The following DDX60 variants were observed in gnomAD, a reference collection of about 807,000 sequenced individuals.
The protein encoded by DDX60 is probable ATP-dependent RNA helicase DDX60.
DDX60 carries 165 observed loss-of-function variants against 212.8 expected under a neutral mutation model. The observed-to-expected ratio is 0.78, with a 90% CI of 0.68 to 0.88. The LOEUF (loss-of-function observed/expected upper bound fraction) is 0.88. Among genes scored for constraint, DDX60 ranks in the 40% least tolerant of loss-of-function variants. The pLI, the probability that DDX60 is intolerant of heterozygous loss-of-function variation, is 0.00. For missense variants in DDX60, 1,905 were observed against 2,003.9 expected (o/e 0.95, Z 0.94); for synonymous variants, 703 against 685.3 (o/e 1.03, Z -0.40).
intron 34 of DDX60, 64 bp from the exon 35 acceptor site, chr4:168,224,449 AC>A (rs1733178166): frequency 6.6e-7 from 1 of 1,517,036 alleles, no homozygotes; most frequent in African/African-American, 1.4e-5. Context: ...AACCTCAGAT[AC>A]TTTCTCTAGA....
At chr4:168,286,491 G>T in intron 10 of DDX60, among the ~76,000 whole-genome samples, 1 of 149,230 alleles carries the variant, frequency 6.7e-6, no homozygotes. Context: ...ATAGACAAAT[G>T]AATGACTTTT....
At chr4:168,244,868 T>C (rs1733969985) in intron 30 of DDX60, among the ~76,000 whole-genome samples, 2 of 151,548 alleles carry the variant, frequency 1.3e-5, no homozygotes, top group African/African-American at 4.8e-5. Context: ...GTAAGTTTTA[T>C]GTTTTCTCAT....
At chr4:168,242,956 G>T (rs1438960652) in intron 30 of DDX60, among the ~76,000 whole-genome samples, 1 of 152,134 alleles carries the variant, frequency 6.6e-6, no homozygotes, top group East Asian at 1.9e-4. Flanking sequence ...ATGGGGGCGG[G>T]TCTTTCCCAT....
chr4:168,249,865 C>G (rs1252212897), intron 28 of DDX60, among the ~76,000 whole-genome samples: 2 of 151,998 alleles, frequency 1.3e-5, no homozygotes, highest in Non-Finnish European at 2.9e-5. Context: ...TTTTCCTCAA[C>G]ATTTAGTTTA....
chr4:168,292,049 C>CTTT lies in DDX60; in HGVS notation c.883-146_883-144dup, dbSNP rs772095573. ...CCTTTCTTTCTTTCTTTCTTTCTTT[C>CTTT]TTTTTTTTTTTTTTTTTGAGACAGA... is the stretch of plus-strand genomic sequence containing the variant. On this transcript the variant is annotated intron_variant, in intron 7 of 37. Coordinates refer to ENST00000393743, the MANE Select transcript of DDX60 (RefSeq NM_017631.6). The CTTT allele has an allele frequency of 1.5e-3, 459 of 303,514 alleles. 1 individual carries two copies. Among genetic ancestry groups the CTTT allele is most frequent in the African/African-American group, 0.01 (367 of 34,990 alleles). 18.8% of individuals were successfully genotyped at this position (303,514 alleles called of 1,614,324 possible).
At chr4:168,245,043 G>T (rs1733975858) in intron 30 of DDX60, among the ~76,000 whole-genome samples, 1 of 152,106 alleles carries the variant, frequency 6.6e-6, no homozygotes, top group Admixed American at 6.5e-5. Flanking sequence ...CAATATGAAT[G>T]TACTTAACAC....
At chr4:168,289,303 C>A (rs942593329) in intron 8 of DDX60, among the ~76,000 whole-genome samples, 1 of 152,160 alleles carries the variant, frequency 6.6e-6, no homozygotes, top group African/African-American at 2.4e-5. Flanking sequence ...GCAGCTGATA[C>A]TATTAACCAC....
Position 168,268,890 on chromosome 4 carries a change from A to G in DDX60, c.2750T>C (p.Leu917Pro). Residue 917 changes from leucine to proline, a missense_variant, in exon 20 of 38, where the codon CTT (leucine) becomes CCT (proline). By Grantham distance (98) the Leu-to-Pro change is moderately conservative. Transcript: ENST00000393743. ...TTCAGGATTACTTATGGTAGCTGAA[A>G]GAGCCAAAAAGGGACATCGGATCAT... ...LVMIRCPFLA[L>P]SATISNPEHL... The G allele has an allele frequency of 6.3e-7, 1 of 1,597,688 alleles. No individual in the cohort carries two copies. Among genetic ancestry groups the G allele is most frequent in the Non-Finnish European group, 8.5e-7 (1 of 1,169,834 alleles).
chr4:168,279,378 G>T (rs904897124), intron 14 of DDX60, among the ~76,000 whole-genome samples: 3 of 152,220 alleles, frequency 2.0e-5, no homozygotes, highest in Non-Finnish European at 2.9e-5. Flanking sequence ...CAAACTCACT[G>T]CTTCAGCGCC....
At chr4:168,319,515 T>C (rs1012184120), upstream of DDX60, among the ~76,000 whole-genome samples, 1 of 152,202 alleles carries the variant, frequency 6.6e-6, no homozygotes, top group African/African-American at 2.4e-5. Flanking sequence ...TAAACTGTAA[T>C]TGGTACTTTC....
intron 7 of DDX60, 145 bp downstream of exon 7, chr4:168,293,642 C>A: frequency 1.4e-6 from 1 of 715,572 alleles, no homozygotes; most frequent in East Asian, 2.6e-5. Flanking sequence ...TCCTGATAGA[C>A]ACAAATTTCA....
intron 22 of DDX60, among the ~76,000 whole-genome samples, chr4:168,266,368 T>G (rs1019810225): frequency 6.6e-6 from 1 of 152,222 alleles, no homozygotes; most frequent in Non-Finnish European, 1.5e-5. Context: ...TGTTAGGAAA[T>G]GAAGGACACA....
rs1029854624 is a variant in DDX60 at position 168,293,905 on chromosome 4, T to C, written c.764A>G (p.Glu255Gly). The C allele has an allele frequency of 1.2e-6, 2 of 1,613,908 alleles. No individual in the cohort carries two copies. Among genetic ancestry groups the C allele is most frequent in the African/African-American group, 2.7e-5 (2 of 74,906 alleles). Residue 255 changes from glutamate (E) to glycine (G), a missense_variant, in exon 7 of 38, where the codon GAA becomes GGA. Physicochemically the swap from Glu to Gly is moderately conservative, Grantham distance 98. Coordinates refer to ENST00000393743, the MANE Select transcript of DDX60 (RefSeq NM_017631.6). ...AAAGACACGCCGAATGTCAGATCCT[T>C]CTGGCCAGACTTGTGTAAGCAGAGA... ...TVSLLTQVWP[E>G]GSDIRRVFCV...
intron 10 of DDX60, among the ~76,000 whole-genome samples, chr4:168,285,908 G>A (rs1166091087): frequency 3.7e-5 from 2 of 54,378 alleles, no homozygotes; most frequent in African/African-American, 1.0e-4. Flanking sequence ...AGGAAGGAAG[G>A]AAGGAAGGAA....
At chr4:168,319,699 G>C (rs916420079), upstream of DDX60, among the ~76,000 whole-genome samples, 1 of 152,014 alleles carries the variant, frequency 6.6e-6, no homozygotes, top group Non-Finnish European at 1.5e-5. Context: ...TTTCATTAAT[G>C]CTATAAATAT....
intron 12 of DDX60, among the ~76,000 whole-genome samples, chr4:168,284,005 C>T (rs1375591513): frequency 1.3e-5 from 2 of 152,140 alleles, no homozygotes; most frequent in African/African-American, 4.8e-5. Flanking sequence ...GCCATAGAGC[C>T]AGAGCCCAGA....
At chr4:168,291,648 G>T (rs933293297) in intron 8 of DDX60, 100 bp downstream of exon 8, 2 of 1,116,006 alleles carry the variant, frequency 1.8e-6, no homozygotes, top group Non-Finnish European at 2.4e-6. Context: ...GCCCCCAAGG[G>T]GCTAATAGTA....
At chr4:168,257,335 G>C (rs1024072837) in intron 25 of DDX60, among the ~76,000 whole-genome samples, 3 of 152,024 alleles carry the variant, frequency 2.0e-5, no homozygotes, top group African/African-American at 7.3e-5. Flanking sequence ...ATTATACACA[G>C]TTGTCAGGCA....
chr4:168,305,103 T>C (rs1736819085), intron 5 of DDX60, among the ~76,000 whole-genome samples: 1 of 152,316 alleles, frequency 6.6e-6, no homozygotes, highest in African/African-American at 2.4e-5. Flanking sequence ...TGTGTTACAA[T>C]TACCTAGAGT....
Sources: allele counts gnomAD v4.1 joint callset (sites outside exome capture counted in the v4.1 genomes callset), GRCh38; gene constraint gnomAD v4.1.1; transcripts MANE v1.5; gene names NCBI Gene and HGNC (gene_info 2026-07-23, HGNC 2026-07-21).